The following ADGRL2 variants were observed in gnomAD, a reference collection of about 807,000 sequenced individuals.
ADGRL2 encodes the protein calcium-independent alpha-latrotoxin receptor 2.
Under a neutral mutation model 157.4 loss-of-function variants are expected in ADGRL2, and 44 were observed. The observed-to-expected ratio is 0.28, with a 90% confidence interval of 0.22 to 0.36. The LOEUF is 0.36. ADGRL2 is among the 10% of genes least tolerant of loss of function. The pLI, the probability that ADGRL2 is intolerant of heterozygous loss-of-function variation, is 1.00. For synonymous variants in ADGRL2, 585 were observed against 624.7 expected (o/e 0.94, Z 0.95); for missense variants, 1,510 against 1,768.9 (o/e 0.85, Z 2.63).
Position 81,615,497 on chromosome 1 carries a change from A to G in ADGRL2, c.-143+34517A>G, listed in dbSNP as rs578214697. Reference sequence around the variant, plus strand: ...CTTCACTCCTGAAGTCAGTGAGACCATGAACCCACCAGAAGGAAGAAACTC... The same window carrying G: ...CTTCACTCCTGAAGTCAGTGAGACCGTGAACCCACCAGAAGGAAGAAACTC... On this transcript the variant is annotated intron_variant, in intron 3 of 24. Transcript: ENST00000370721. Among the ~76,000 whole-genome samples, 313 of 152,330 alleles carry G rather than the reference A, an allele frequency of 2.1e-3. 3 individuals are homozygous for G. The highest frequency in any genetic ancestry group is 7.0e-3 in the African/African-American group (289 of 41,578).
intron 3 of ADGRL2, among the ~76,000 whole-genome samples, chr1:81,618,270 A>G (rs1201216050): frequency 6.6e-6 from 1 of 152,168 alleles, no homozygotes; most frequent in Non-Finnish European, 1.5e-5. Context: ...TAGAGAAATC[A>G]GTTATTGGTC....
chr1:81,747,230 T>G (rs1426071782), intron 1 of ADGRL2, among the ~76,000 whole-genome samples: 2 of 147,088 alleles, frequency 1.4e-5, no homozygotes, highest in African/African-American at 5.1e-5. Context: ...TATATGTATA[T>G]ATACATATAT....
chr1:81,923,552 T>C (rs2095037488), intron 3 of ADGRL2, among the ~76,000 whole-genome samples: 1 of 152,194 alleles, frequency 6.6e-6, no homozygotes, highest in African/African-American at 2.4e-5. Flanking sequence ...TCACTATTTT[T>C]TTTTTAATCT....
rs111526788 is a variant in ADGRL2 at position 81,326,791 on chromosome 1, C to G, written c.-302+20282C>G. On this transcript the variant is annotated intron_variant, in intron 1 of 24. Coordinates refer to the ADGRL2 transcript ENST00000370721. Reference sequence around the variant, plus strand: ...TTTAATAAAGGTAAGTCTAAGAATTCTATTTAGACTTTCAGACCATTACAT... The same window carrying G: ...TTTAATAAAGGTAAGTCTAAGAATTGTATTTAGACTTTCAGACCATTACAT... Among the ~76,000 whole-genome samples, 378 of 152,264 alleles carry G rather than the reference C, an allele frequency of 2.5e-3. 2 individuals are homozygous for G. The highest frequency in any genetic ancestry group is 8.6e-3 in the African/African-American group (358 of 41,554).
At chr1:81,718,535 G>T in intron 1 of ADGRL2, among the ~76,000 whole-genome samples, 1 of 152,080 alleles carries the variant, frequency 6.6e-6, no homozygotes, top group East Asian at 1.9e-4. Flanking sequence ...TGTCAAAAAT[G>T]TAGTAAAGTG....
At chr1:81,510,818 AGTTG>A (rs1336856829) in intron 2 of ADGRL2, among the ~76,000 whole-genome samples, 6 of 152,188 alleles carry the variant, frequency 3.9e-5, no homozygotes, top group Non-Finnish European at 8.8e-5. Context: ...CTTTTTTCAT[AGTTG>A]GTAACTTTTT....
At chr1:81,847,815 T>A (rs941666234) in intron 2 of ADGRL2, among the ~76,000 whole-genome samples, 3 of 151,942 alleles carry the variant, frequency 2.0e-5, no homozygotes, top group African/African-American at 7.2e-5. Context: ...CACTATAAAG[T>A]CATGTAATGC....
chr1:81,391,038 C>A lies in ADGRL2; in HGVS notation c.-301-53998C>A, dbSNP rs950802212. Among the ~76,000 whole-genome samples the A allele has an allele frequency of 2.0e-5, 3 of 152,410 alleles. No homozygotes were observed. In the East Asian group the frequency reaches 5.8e-4, roughly 29 times the overall value. On this transcript the variant is annotated intron_variant, in intron 1 of 24. Transcript: ENST00000370721. Reference sequence around the variant, plus strand: ...TTAAAGAAGATCCTCACACTAAAACCGTTTGGTAACTACTGAGTTAGAAAT... The same window carrying A: ...TTAAAGAAGATCCTCACACTAAAACAGTTTGGTAACTACTGAGTTAGAAAT...
chr1:81,438,355 TAAAAC>T (rs148343186), intron 1 of ADGRL2, among the ~76,000 whole-genome samples: 3,571 of 152,286 alleles, frequency 0.023, 64 homozygotes, highest in African/African-American at 0.042. Flanking sequence ...TAATTAAACT[TAAAAC>T]AAAGGTAATA....
chr1:81,387,831 T>TA (rs2076464743), intron 1 of ADGRL2, among the ~76,000 whole-genome samples: 2 of 152,258 alleles, frequency 1.3e-5, no homozygotes, highest in East Asian at 1.9e-4. Context: ...CTTCCAGTAA[T>TA]ACCTCTGTCT....
chr1:81,696,213 G>A (rs1021291454), upstream of ADGRL2, among the ~76,000 whole-genome samples: 4 of 151,622 alleles, frequency 2.6e-5, no homozygotes, highest in Admixed American at 1.3e-4. Context: ...TTTCCCTCTC[G>A]GCTATGTAGA....
At chr1:81,353,473 C>T (rs1332029746) in intron 1 of ADGRL2, among the ~76,000 whole-genome samples, 1 of 152,176 alleles carries the variant, frequency 6.6e-6, no homozygotes, top group Admixed American at 6.5e-5. Context: ...AGAAAAGATG[C>T]AGATTCAGGG....
intron 3 of ADGRL2, among the ~76,000 whole-genome samples, chr1:81,598,402 A>G (rs1003269405): frequency 6.6e-6 from 1 of 152,200 alleles, no homozygotes; most frequent in Non-Finnish European, 1.5e-5. Context: ...CGTGAAAAAA[A>G]TATTCTTTCT....
intron 1 of ADGRL2, among the ~76,000 whole-genome samples, chr1:81,431,687 T>C (rs1570950369): frequency 2.0e-5 from 3 of 152,336 alleles, no homozygotes; most frequent in African/African-American, 7.2e-5. Flanking sequence ...GGAAGAACTA[T>C]GCTATTTATT....
At chr1:81,392,622 C>T (rs2076580131) in intron 1 of ADGRL2, among the ~76,000 whole-genome samples, 1 of 152,142 alleles carries the variant, frequency 6.6e-6, no homozygotes, top group Non-Finnish European at 1.5e-5. Flanking sequence ...CTTGGCCCAA[C>T]CTCTCTGCTG....
intron 2 of ADGRL2, among the ~76,000 whole-genome samples, chr1:81,484,675 G>A (rs2078462430): frequency 1.3e-5 from 2 of 152,072 alleles, no homozygotes; most frequent in Non-Finnish European, 2.9e-5. Context: ...TTCATGAACA[G>A]GACAACTTGG....
chr1:81,517,464 CAAAAAA>C (rs397956551), intron 2 of ADGRL2, among the ~76,000 whole-genome samples: 3 of 45,268 alleles, frequency 6.6e-5, no homozygotes, highest in African/African-American at 2.4e-4. Flanking sequence ...GACTCCCTCT[CAAAAAA>C]AAAAAAAAAA....
At chr1:81,430,557 T>A (rs1440950553) in intron 1 of ADGRL2, among the ~76,000 whole-genome samples, 1 of 152,198 alleles carries the variant, frequency 6.6e-6, no homozygotes, top group African/African-American at 2.4e-5. Context: ...AGTTGCCAGG[T>A]CTTCATTTTT....
At chr1:81,773,978 T>C (rs2086475966) in intron 2 of ADGRL2, among the ~76,000 whole-genome samples, 1 of 152,110 alleles carries the variant, frequency 6.6e-6, no homozygotes, top group South Asian at 2.1e-4. Context: ...AGGAACAACA[T>C]GTGAACACAT....
Sources: allele counts gnomAD v4.1 joint callset (sites outside exome capture counted in the v4.1 genomes callset), GRCh38; gene constraint gnomAD v4.1.1; transcripts MANE v1.5; gene names NCBI Gene and HGNC (gene_info 2026-07-23, HGNC 2026-07-21).